Variants in ABTB3 observed in about 807,000 individuals in gnomAD.
ABTB3 encodes the protein ankyrin repeat and BTB domain containing 3.
the ABTB3 span, among the ~76,000 whole-genome samples, chr12:107,625,009 T>C: frequency 3.9e-5 from 6 of 152,378 alleles, no homozygotes; most frequent in African/African-American, 1.4e-4. Context: ...TCACTATTTT[T>C]CATTTTAGCC....
the ABTB3 span, among the ~76,000 whole-genome samples, chr12:107,470,183 C>T: frequency 2.6e-5 from 4 of 151,524 alleles, no homozygotes; most frequent in African/African-American, 7.3e-5. Flanking sequence ...GGATTACAGG[C>T]GTGCATGGCC....
the ABTB3 span, among the ~76,000 whole-genome samples, chr12:107,613,324 G>A: frequency 3.3e-5 from 5 of 152,018 alleles, no homozygotes; most frequent in Non-Finnish European, 7.4e-5. Context: ...GATCCTCCAC[G>A]CTCCCCCTCC....
At chr12:107,447,992 T>G in the ABTB3 span, among the ~76,000 whole-genome samples, 4 of 152,338 alleles carry the variant, frequency 2.6e-5, no homozygotes, top group South Asian at 8.3e-4. Flanking sequence ...TGGGCTGAGA[T>G]GCTAAGCTGG....
At chr12:107,422,356 G>C in the ABTB3 span, among the ~76,000 whole-genome samples, 2 of 152,208 alleles carry the variant, frequency 1.3e-5, no homozygotes, top group Admixed American at 6.5e-5. Context: ...TACAGGCCAT[G>C]ATGAGGCCCT....
the ABTB3 span, among the ~76,000 whole-genome samples, chr12:107,339,568 T>C: frequency 6.6e-6 from 1 of 152,214 alleles, no homozygotes; most frequent in Admixed American, 6.5e-5. Context: ...TTATTGATTG[T>C]ACATCGTATA....
the ABTB3 span, among the ~76,000 whole-genome samples, chr12:107,399,025 C>A: frequency 6.6e-6 from 1 of 152,108 alleles, no homozygotes; most frequent in African/African-American, 2.4e-5. Flanking sequence ...CTAGAAAAAT[C>A]CCTCACATTG....
the ABTB3 span, among the ~76,000 whole-genome samples, chr12:107,588,718 G>T: frequency 1.3e-5 from 2 of 152,094 alleles, no homozygotes; most frequent in Non-Finnish European, 2.9e-5. Flanking sequence ...ACGGGATTTT[G>T]CCATGTTAGC....
chr12:107,451,005 GT>G, the ABTB3 span, among the ~76,000 whole-genome samples: 7 of 151,920 alleles, frequency 4.6e-5, no homozygotes, highest in African/African-American at 1.7e-4. Context: ...TGCATGTGAA[GT>G]ATTTCTAAAG....
chr12:107,479,155 A>G, the ABTB3 span, among the ~76,000 whole-genome samples: 1 of 152,172 alleles, frequency 6.6e-6, no homozygotes, highest in Non-Finnish European at 1.5e-5. Flanking sequence ...AGCCAATTTC[A>G]GGTGGTTGTA....
At chr12:107,371,573 CCT>C in the ABTB3 span, among the ~76,000 whole-genome samples, 2 of 152,180 alleles carry the variant, frequency 1.3e-5, no homozygotes, top group African/African-American at 4.8e-5. Flanking sequence ...GTTGCTTTTC[CCT>C]CTCATTTCTT....
the ABTB3 span, among the ~76,000 whole-genome samples, chr12:107,482,813 CTTTCTTTCTTTCTT>C: frequency 1.3e-4 from 19 of 148,044 alleles, no homozygotes; most frequent in East Asian, 1.3e-3. Flanking sequence ...CTTTTTTTTT[CTTTCTTTCTTTCTT>C]TTTCTTTCTT....
the ABTB3 span, among the ~76,000 whole-genome samples, chr12:107,506,503 C>A: frequency 2.6e-5 from 4 of 151,216 alleles, no homozygotes; most frequent in Admixed American, 2.6e-4. Context: ...AAATGATATA[C>A]AAAAGCCACT....
the ABTB3 span, among the ~76,000 whole-genome samples, chr12:107,456,407 TCA>T: frequency 3.3e-5 from 5 of 152,222 alleles, no homozygotes; most frequent in Admixed American, 2.6e-4. Context: ...CATTAGATTC[TCA>T]GAGTGGCACG....
the ABTB3 span, among the ~76,000 whole-genome samples, chr12:107,485,007 G>A: frequency 1.3e-5 from 2 of 152,128 alleles, no homozygotes; most frequent in African/African-American, 4.8e-5. Context: ...TGTCCACTGA[G>A]ATGGAGAGAC....
the ABTB3 span, among the ~76,000 whole-genome samples, chr12:107,361,002 G>A: frequency 7.8e-6 from 1 of 128,136 alleles, no homozygotes; most frequent in African/African-American, 3.1e-5. Flanking sequence ...AAACCCCTGG[G>A]CTCAAAAGAT....
chr12:107,613,483 AT>A, the ABTB3 span, among the ~76,000 whole-genome samples: 4 of 151,958 alleles, frequency 2.6e-5, no homozygotes, highest in African/African-American at 9.7e-5. Context: ...AATCTGACAG[AT>A]TTGGGTTCAA....
chr12:107,446,295 C>T, the ABTB3 span, among the ~76,000 whole-genome samples: 3 of 152,002 alleles, frequency 2.0e-5, no homozygotes, highest in African/African-American at 7.3e-5. Context: ...CAGCTTGTTC[C>T]AAAGCTACCA....
chr12:107,450,547 A>T, the ABTB3 span, among the ~76,000 whole-genome samples: 1 of 152,114 alleles, frequency 6.6e-6, no homozygotes, highest in African/African-American at 2.4e-5. Context: ...ATTATTAGGG[A>T]GGATTCAGTG....
At chr12:107,401,102 G>T in the ABTB3 span, among the ~76,000 whole-genome samples, 1 of 152,190 alleles carries the variant, frequency 6.6e-6, no homozygotes, top group Non-Finnish European at 1.5e-5. Context: ...CCTGGGGTTT[G>T]GTTCTGAGCC....
Sources: gnomAD v4.1 joint callset for allele counts (sites outside exome capture counted in the v4.1 genomes callset) on GRCh38, gnomAD v4.1.1 for gene constraint, MANE v1.5 for transcripts, NCBI Gene and HGNC (gene_info 2026-07-23, HGNC 2026-07-21) for gene names.